PHETA1: variants seen among roughly 807,000 people sequenced by gnomAD.
PHETA1 encodes the protein PH domain containing endocytic trafficking adaptor 1.
For missense variants in PHETA1, 348 were observed against 373.5 expected, an observed-to-expected ratio of 0.93 and a Z score of 0.56; for synonymous variants, 155 against 168.9, an observed-to-expected ratio of 0.92 and a Z score of 0.64.
At chr12:111,365,928 C>A (rs1228319754) in intron 2 of PHETA1, among the ~76,000 whole-genome samples, 185 bp downstream of exon 2, 1 of 152,180 alleles carries the variant, frequency 6.6e-6, no homozygotes, top group Non-Finnish European at 1.5e-5. Flanking sequence ...TAGTGGGAGG[C>A]CAAGGCCAGA....
Position 111,363,554 on chromosome 12 carries a change from C to A in PHETA1, c.-36-91G>T, listed in dbSNP as rs1868840993. The stretch of plus-strand genomic sequence containing the variant: ...GGACCTTGCAGCCACTCTACATCCC[C>A]GTTTCACAGATGAGGAAACTGACGC... On this transcript the variant is annotated intron_variant, in intron 2 of 2. Transcript: ENST00000683047. This position sits in a 1 kb window ranked among gnomAD's most constrained non-coding sequence, Gnocchi z 7.4. 2.0e-6 allele frequency: 3 copies of A among 1,530,520 alleles called. No individual in the cohort carries two copies. The Admixed American group carries it at 5.9e-5, about 30-fold the overall frequency. 94.8% of individuals were successfully genotyped at this position (1,530,520 alleles called of 1,614,324 possible).
At chr12:111,365,694 A>G (rs1868983656) in intron 2 of PHETA1, 1 of 358,528 alleles carries the variant, frequency 2.8e-6, no homozygotes, top group African/African-American at 2.2e-5. Flanking sequence ...GTTCTTACTC[A>G]TAAGTGGGAG....
Position 111,367,044 on chromosome 12 carries a change from A to T in PHETA1, c.-181-787T>A, listed in dbSNP as rs926125326. Reference sequence around the variant, plus strand: ...TCAAAAAAAAAAAAAAAAAAATCCAAGCCTCCCTTGGCTTCCAAGTTCCCT... The same window carrying T: ...TCAAAAAAAAAAAAAAAAAAATCCATGCCTCCCTTGGCTTCCAAGTTCCCT... On this transcript the variant is annotated intron_variant, in intron 1 of 2. Transcript: ENST00000683047. The surrounding 1 kb of genome is among the most constrained non-coding windows in gnomAD (Gnocchi z 4.0). Among the ~76,000 whole-genome samples the T allele has an allele frequency of 1.3e-5, 2 of 150,464 alleles. No homozygotes were observed. The highest frequency in any genetic ancestry group is 4.9e-5 in the African/African-American group (2 of 40,982).
At position 111,362,746 on chromosome 12, in the gene PHETA1, G is replaced by C; in HGVS notation, c.682C>G (p.His228Asp). The C allele has an allele frequency of 6.5e-7, 1 of 1,542,712 alleles. No individual in the cohort carries two copies. The highest frequency in any genetic ancestry group is 8.7e-7 in the Non-Finnish European group (1 of 1,145,188). The change falls in exon 3 of 3, where the codon CAC becomes GAC. Residue 228 changes from histidine to aspartate, a missense_variant. Physicochemically the swap from His to Asp is moderately conservative, Grantham distance 81. Transcript: ENST00000683047. ...PLDMAPFARLHECYGQEIRAL... is the reference protein window; with the variant it reads ...PLDMAPFARLDECYGQEIRAL... ...CGGATCTCCTGGCCATAGCACTCGTGCAGCCGGGCGAAGGGGGCCATGTCC... is the reference window on the plus strand; with the variant it reads ...CGGATCTCCTGGCCATAGCACTCGTCCAGCCGGGCGAAGGGGGCCATGTCC...
rs1868664020 is a variant in PHETA1, at chr12:111,362,395, C to T, written c.*283G>A. 7 of 775,626 alleles carry T rather than the reference C, an allele frequency of 9.0e-6. No homozygotes were observed. Among genetic ancestry groups the T allele is most frequent in the East Asian group, 5.7e-5 (2 of 35,154 alleles). The allele number at this position is 775,626 out of a possible 1,614,324, so 48.0% of individuals were successfully genotyped here. A position where few individuals can be genotyped will look rare whatever the true frequency, so the allele number is the denominator to read the frequency against. Reference sequence around the variant, plus strand: ...CCGGCAGCTCAGGCCAGCCTGGGGCCGGAGTTCTCAGGAAACCTCCCCCTC... The same window carrying T: ...CCGGCAGCTCAGGCCAGCCTGGGGCTGGAGTTCTCAGGAAACCTCCCCCTC... On this transcript the variant is annotated 3_prime_UTR_variant, in exon 3 of 3. Coordinates refer to ENST00000683047, the MANE Select transcript of PHETA1 (RefSeq NM_144671.6).
rs1159799278 is a variant in PHETA1 at position 111,362,722 on chromosome 12, G to A, written c.706C>T (p.Arg236Trp). ...CTGAGCCACTGGCCACGCAGGGCCC[G>A]GATCTCCTGGCCATAGCACTCGTGC... Reference protein sequence around the residue: ...RLHECYGQEIRALRGQWLSSR... With the variant: ...RLHECYGQEIWALRGQWLSSR... The change falls in exon 3 of 3, where the codon CGG (arginine) becomes TGG (tryptophan). Residue 236 changes from arginine to tryptophan, a missense_variant. Coordinates refer to ENST00000683047, the MANE Select transcript of PHETA1 (RefSeq NM_144671.6). 12 of 1,547,030 alleles carry A rather than the reference G, an allele frequency of 7.8e-6. No homozygotes were observed. The highest frequency in any genetic ancestry group is 2.4e-5 in the East Asian group (1 of 40,928).
chr12:111,363,395 G>A lies in PHETA1; in HGVS notation c.33C>T (p.Tyr11=), dbSNP rs140794170. The change falls in exon 3 of 3, where the codon TAC becomes TAT. Residue 11 remains tyrosine, a synonymous_variant. Transcript: ENST00000683047. The surrounding 1 kb of genome is among the most constrained non-coding windows in gnomAD (Gnocchi z 7.4). MKLNERSLAF[Y]ATCDAPVDNA... ...TGTCCACCGGGGCGTCACAGGTGGC[G>A]TAGAAGGCCAGGCTGCGCTCGTTCA... 2.9e-5 allele frequency: 47 copies of A among 1,612,490 alleles called. No homozygotes were observed. The highest frequency in any genetic ancestry group is 1.1e-4 in the East Asian group (5 of 44,872).
chr12:111,367,883 A>C lies in PHETA1; in HGVS notation c.-182+1029T>G, dbSNP rs1459932538. 1.3e-5 allele frequency among the ~76,000 whole-genome samples: 2 copies of C among 152,254 alleles called. No individual in the cohort carries two copies. Among genetic ancestry groups the C allele is most frequent in the Non-Finnish European group, 2.9e-5 (2 of 68,046 alleles). On this transcript the variant is annotated intron_variant, in intron 1 of 2. Coordinates refer to ENST00000683047, the MANE Select transcript of PHETA1 (RefSeq NM_144671.6). The surrounding 1 kb of genome is among the most constrained non-coding windows in gnomAD (Gnocchi z 4.0). ...TTCAACAGCCCATGGCCAGACAGGA[A>C]GCTGGAGGGAGCCTGGCCCAGCTCT...
chr12:111,362,787 G>A lies in PHETA1; in HGVS notation c.641C>T (p.Ala214Val). 1 of 1,539,632 alleles carries A rather than the reference G, an allele frequency of 6.5e-7. No homozygotes were observed. The highest frequency in any genetic ancestry group is 1.2e-5 in the South Asian group (1 of 83,850). Residue 214 changes from alanine to valine, a missense_variant, in exon 3 of 3, where the codon GCA becomes GTA. Ala to Val is a moderately conservative substitution (Grantham distance 64). Transcript: ENST00000683047. ...GGCCATGTCCAGGGGCCCGTGGGGTGCCGAGGCCCGGCGGCGAGGCGGTGG... is the reference window on the plus strand; with the variant it reads ...GGCCATGTCCAGGGGCCCGTGGGGTACCGAGGCCCGGCGGCGAGGCGGTGG... ...PPPPPRRRAS[A>V]PHGPLDMAPF...
In PHETA1 at chr12:111,368,676, T is replaced by C. The variant is rs1565950377; in HGVS notation, c.-182+236A>G. ...CCCAGATGGGTGATCAGCGGCAGAA[T>C]GGGGGGCTTATCCGCAGTCCCCACC... On this transcript the variant is annotated intron_variant, in intron 1 of 2. Coordinates refer to ENST00000683047, the MANE Select transcript of PHETA1 (RefSeq NM_144671.6). The surrounding 1 kb of genome is among the most constrained non-coding windows in gnomAD (Gnocchi z 5.0). Among the ~76,000 whole-genome samples, 2 of 152,166 alleles carry C rather than the reference T, an allele frequency of 1.3e-5. No individual in the cohort carries two copies. The highest frequency in any genetic ancestry group is 4.8e-5 in the African/African-American group (2 of 41,436).
chr12:111,362,489 T>C lies in PHETA1; in HGVS notation c.*189A>G. On this transcript the variant is annotated 3_prime_UTR_variant, in exon 3 of 3. Coordinates refer to ENST00000683047, the MANE Select transcript of PHETA1 (RefSeq NM_144671.6). ...AGGGTAGGCCTTCTGGGTCACATGG[T>C]CCTAAAGGCCCACTCAGAATCCAGC... 3 of 1,421,640 alleles carry C rather than the reference T, an allele frequency of 2.1e-6. No homozygotes were observed. The highest frequency in any genetic ancestry group is 2.8e-6 in the Non-Finnish European group (3 of 1,070,452). The allele number at this position is 1,421,640 out of a possible 1,614,324, so 88.1% of individuals were successfully genotyped here. A position where few individuals can be genotyped will look rare whatever the true frequency, so the allele number is the denominator to read the frequency against.
Position 111,362,585 on chromosome 12 carries a change from C to A in PHETA1, c.*93G>T. 6.5e-7 allele frequency: 1 copy of A among 1,540,848 alleles called. No homozygotes were observed. The highest frequency in any genetic ancestry group is 1.4e-5 in the African/African-American group (1 of 73,156). On this transcript the variant is annotated 3_prime_UTR_variant, in exon 3 of 3. Transcript: ENST00000683047. ...TGGGGGCCAGCCTTGCCCATGATTT[C>A]CCTCAGGATCTGCTCCCCCAGTCTC...
rs1367351849 is a variant in PHETA1 at position 111,362,737 on chromosome 12, A to T, written c.691T>A (p.Tyr231Asn). The T allele has an allele frequency of 1.3e-6, 2 of 1,545,016 alleles. No homozygotes were observed. Among genetic ancestry groups the T allele is most frequent in the Non-Finnish European group, 1.7e-6 (2 of 1,145,896 alleles). Residue 231 changes from tyrosine to asparagine, a missense_variant, in exon 3 of 3, where the codon TAT becomes AAT. Physicochemically the swap from Tyr to Asn is moderately radical, Grantham distance 143. Transcript: ENST00000683047. ...CGCAGGGCCCGGATCTCCTGGCCAT[A>T]GCACTCGTGCAGCCGGGCGAAGGGG... ...MAPFARLHEC[Y>N]GQEIRALRGQ... is the part of the protein sequence containing the mutation.
chr12:111,366,812 C>T (rs1004708347), intron 1 of PHETA1, among the ~76,000 whole-genome samples: 3 of 151,974 alleles, frequency 2.0e-5, no homozygotes, highest in African/African-American at 7.3e-5. Context: ...GTGGCTCACA[C>T]CTGTAATGCT....
At chr12:111,364,642 T>C (rs1868913113) in intron 2 of PHETA1, among the ~76,000 whole-genome samples, 2 of 151,476 alleles carry the variant, frequency 1.3e-5, no homozygotes, top group Admixed American at 1.3e-4. Flanking sequence ...TGCACGCCCA[T>C]AATCCCAGCT....
Position 111,362,660 on chromosome 12 carries a change from A to T in PHETA1, c.*18T>A, listed in dbSNP as rs1278237959. 1.3e-6 allele frequency: 2 copies of T among 1,548,944 alleles called. No individual in the cohort carries two copies. Among genetic ancestry groups the T allele is most frequent in the Admixed American group, 2.0e-5 (1 of 50,960 alleles). On this transcript the variant is annotated 3_prime_UTR_variant, in exon 3 of 3. Coordinates refer to ENST00000683047, the MANE Select transcript of PHETA1 (RefSeq NM_144671.6). ...GGCATAGAGCTTGTGTCCCCCTAAAACAGGCGCCCTGGTGGCCTCAGGGCT... is the reference window on the plus strand; with the variant it reads ...GGCATAGAGCTTGTGTCCCCCTAAATCAGGCGCCCTGGTGGCCTCAGGGCT...
intron 2 of PHETA1, among the ~76,000 whole-genome samples, chr12:111,365,052 A>G (rs1868946729): frequency 6.6e-6 from 1 of 152,198 alleles, no homozygotes. Context: ...CATCGGCCAC[A>G]GTGACCCCAT....
At chr12:111,365,064 C>T (rs983691066) in intron 2 of PHETA1, among the ~76,000 whole-genome samples, 1 of 152,214 alleles carries the variant, frequency 6.6e-6, no homozygotes, top group African/African-American at 2.4e-5. Flanking sequence ...TGACCCCATC[C>T]ACCTTCCCCC....
At chr12:111,366,042 A>C in intron 2 of PHETA1, 71 bp downstream of exon 2, 1 of 162,716 alleles carries the variant, frequency 6.1e-6, no homozygotes, top group Non-Finnish European at 1.4e-5. Context: ...ACCACCCATC[A>C]ACTCCCATGT....
Sources: allele counts gnomAD v4.1 joint callset (sites outside exome capture counted in the v4.1 genomes callset), GRCh38; gene constraint gnomAD v4.1.1; non-coding constraint Gnocchi (gnomAD v3.1); transcripts MANE v1.5; gene names NCBI Gene and HGNC (gene_info 2026-07-23, HGNC 2026-07-21).